Variants in SCN9A observed in about 807,000 individuals in gnomAD.
SCN9A encodes sodium channel protein type 9 subunit alpha.
Under a neutral mutation model 187.0 loss-of-function variants are expected in SCN9A, and 131 were observed. The observed-to-expected ratio is 0.70, with a 90% CI of 0.61 to 0.81. SCN9A has a LOEUF of 0.81. SCN9A is among the 30% of genes least tolerant of loss of function. SCN9A has a pLI of 0.00. For synonymous variants in SCN9A, 809 were observed against 808.6 expected, an observed-to-expected ratio of 1.00 and a Z score of -0.01; for missense variants, 2,252 against 2,396.6, an observed-to-expected ratio of 0.94 and a Z score of 1.26.
chr2:166,311,486 A>G lies in SCN9A; in HGVS notation c.258+13T>C, dbSNP rs1197366937. ...CCAACAGAAACTGACCACTGAAGTC[A>G]AAATAAACTCACCTTTTTGTCTGCA... On this transcript the variant is annotated intron_variant, in intron 2 of 26. Coordinates refer to ENST00000642356, the MANE Select transcript of SCN9A (RefSeq NM_001365536.1). 6.6e-7 allele frequency: 1 copy of G among 1,518,520 alleles called. No individual in the cohort carries two copies. Among genetic ancestry groups the G allele is most frequent in the African/African-American group, 1.4e-5 (1 of 72,110 alleles). 94.1% of individuals were successfully genotyped at this position (1,518,520 alleles called of 1,614,324 possible).
In SCN9A at chr2:166,286,479, T is replaced by G; in HGVS notation, c.1459A>C (p.Lys487Gln). Residue 487 changes from lysine to glutamine, a missense_variant, in exon 11 of 27, where the codon AAG becomes CAG. Transcript: ENST00000642356. ...RNRRKKKNQK[K>Q]LSSGEEKGDA... ...CCCTTTTCCTCTCCACTGGAGAGCT[T>G]CTTTTGATTCTTTTTCTTTCTTCTG... 6.2e-7 allele frequency: 1 copy of G among 1,613,818 alleles called. No homozygotes were observed.
At chr2:166,341,152 A>C (rs977088560) in intron 1 of SCN9A, among the ~76,000 whole-genome samples, 4 of 152,202 alleles carry the variant, frequency 2.6e-5, no homozygotes, top group Non-Finnish European at 5.9e-5. Flanking sequence ...AGATGCTTTT[A>C]ACTATCATGT....
intron 1 of SCN9A, among the ~76,000 whole-genome samples, chr2:166,332,965 T>C (rs566207903): frequency 1.3e-3 from 190 of 151,008 alleles, no homozygotes; most frequent in African/African-American, 4.5e-3. Flanking sequence ...TATTTTATTA[T>C]ATTTCAAAAA....
intron 1 of SCN9A, among the ~76,000 whole-genome samples, chr2:166,364,683 A>G (rs1450725805): frequency 6.6e-6 from 1 of 152,058 alleles, no homozygotes; most frequent in African/African-American, 2.4e-5. Context: ...GGAAGAGAGG[A>G]GTGTGGAGTC....
Position 166,226,628 on chromosome 2 carries a change from A to G in SCN9A, c.4337T>C (p.Phe1446Ser). The G allele has an allele frequency of 6.3e-7, 1 of 1,591,480 alleles. No homozygotes were observed. The highest frequency in any genetic ancestry group is 8.6e-7 in the Non-Finnish European group (1 of 1,168,404). The change falls in exon 24 of 27, where the codon TTC (phenylalanine) becomes TCC (serine). Residue 1446 changes from phenylalanine (F) to serine (S), a missense_variant. Coordinates refer to ENST00000642356, the MANE Select transcript of SCN9A (RefSeq NM_001365536.1). ...YFVVFIIFGS[F>S]FTLNLFIGVI... ...ACCAATGAACAAGTTCAAAGTGAAGAATGACCCAAAGATGATAAAGACGAC... is the reference window on the plus strand; with the variant it reads ...ACCAATGAACAAGTTCAAAGTGAAGGATGACCCAAAGATGATAAAGACGAC...
intron 1 of SCN9A, among the ~76,000 whole-genome samples, chr2:166,344,357 A>T (rs1027250713): frequency 1.3e-5 from 2 of 152,318 alleles, no homozygotes; most frequent in Admixed American, 6.5e-5. Context: ...CTACTAAAAA[A>T]GATACCATTA....
chr2:166,215,779 C>CAAAA lies in SCN9A; in HGVS notation c.4398+10784_4398+10787dup, dbSNP rs33938188. Among the ~76,000 whole-genome samples, 251 of 134,768 alleles carry CAAAA rather than the reference C, an allele frequency of 1.9e-3. 2 individuals carry two copies. Among genetic ancestry groups the CAAAA allele is most frequent in the African/African-American group, 6.5e-3 (237 of 36,566 alleles). The allele number at this position is 134,768 out of a possible 152,430, so 88.4% of individuals were successfully genotyped here. A position where few individuals can be genotyped will look rare whatever the true frequency, so the allele number is the denominator to read the frequency against. On this transcript the variant is annotated intron_variant, in intron 24 of 26. Transcript: ENST00000642356. ...TCAGTAATAAATTAAGTCTCCTAACCAAAAAAAAAAAAAAGGAAAAGGTCA... is the reference window on the plus strand; with the variant it reads ...TCAGTAATAAATTAAGTCTCCTAACCAAAAAAAAAAAAAAAAAAGGAAAAGGTCA...
rs1696025206 is a variant in SCN9A, at chr2:166,251,292, C to G, written c.3472+473G>C. ...CATTAAAGAAATAGAGAGAGGAACT[C>G]AGAACTCTAAGACAAATAAAAGACC... On this transcript the variant is annotated intron_variant, in intron 18 of 26. Coordinates refer to ENST00000642356, the MANE Select transcript of SCN9A (RefSeq NM_001365536.1). Among the ~76,000 whole-genome samples the G allele has an allele frequency of 1.3e-5, 2 of 151,990 alleles. 1 individual carries two copies. The highest frequency in any genetic ancestry group is 1.3e-4 in the Admixed American group (2 of 15,230).
intron 1 of SCN9A, among the ~76,000 whole-genome samples, chr2:166,373,688 G>A (rs896650946): frequency 6.6e-6 from 1 of 152,008 alleles, no homozygotes; most frequent in African/African-American, 2.4e-5. Context: ...AAGATGGGAG[G>A]AAAGAATCTG....
At chr2:166,351,496 C>G (rs1319713811) in intron 1 of SCN9A, among the ~76,000 whole-genome samples, 1 of 152,162 alleles carries the variant, frequency 6.6e-6, no homozygotes, top group Non-Finnish European at 1.5e-5. Context: ...ATCACTTTAT[C>G]TAATGGATGT....
chr2:166,198,898 C>T lies in SCN9A; in HGVS notation c.5741G>A (p.Ser1914Asn), dbSNP rs910321137. ...TCTGTCTCCATCTTTTATGTATATA[C>T]TTGATATATTTTTGACATTTTGCCT... ...RLRQNVKNIS[S>N]IYIKDGDRDD... The change falls in exon 27 of 27, where the codon AGT (serine) becomes AAT (asparagine). Residue 1914 changes from serine to asparagine, a missense_variant. By Grantham distance (46) the Ser-to-Asn change is conservative. Around this residue, in one of 7 missense-constraint regions of SCN9A, gnomAD observed 345 missense variants for 344.6 expected, o/e 1.00. Transcript: ENST00000642356. The T allele has an allele frequency of 3.7e-6, 6 of 1,613,396 alleles. No individual in the cohort carries two copies. The highest frequency in any genetic ancestry group is 3.3e-5 in the Admixed American group (2 of 59,992).
At chr2:166,273,259 C>T (rs1405123363) in intron 16 of SCN9A, among the ~76,000 whole-genome samples, 4 of 152,180 alleles carry the variant, frequency 2.6e-5, no homozygotes, top group Non-Finnish European at 5.9e-5. Flanking sequence ...TCTATCATTA[C>T]TCTTTATTAC....
intron 1 of SCN9A, among the ~76,000 whole-genome samples, chr2:166,327,136 T>C (rs780023870): frequency 3.9e-5 from 6 of 152,200 alleles, no homozygotes; most frequent in Non-Finnish European, 5.9e-5. Flanking sequence ...GCAGAAAGTA[T>C]GAGTTTAAAT....
At chr2:166,302,633 T>A (rs1698604141) in intron 7 of SCN9A, 1 of 150,872 alleles carries the variant, frequency 6.6e-6, no homozygotes, top group African/African-American at 2.4e-5. Flanking sequence ...TATATATGAT[T>A]AATAGAACTT....
chr2:166,272,548 T>C lies in SCN9A; in HGVS notation c.3202A>G (p.Lys1068Glu). 1 of 1,613,524 alleles carries C rather than the reference T, an allele frequency of 6.2e-7. No homozygotes were observed. The highest frequency in any genetic ancestry group is 8.5e-7 in the Non-Finnish European group (1 of 1,179,732). ...CCATCACTGTCTTCCATCAAGTGTT[T>C]GTCCACGCTGCTTCCAAAACCACTG... is the stretch of plus-strand genomic sequence containing the variant. ...KISGFGSSVD[K>E]HLMEDSDGQS... Residue 1068 changes from lysine (K) to glutamate (E), a missense_variant, in exon 17 of 27, where the codon AAA (lysine) becomes GAA (glutamate). Around this residue, in one of 7 missense-constraint regions of SCN9A, gnomAD observed 313 missense variants for 295.3 expected, o/e 1.06. Transcript: ENST00000642356.
chr2:166,203,932 A>C, intron 26 of SCN9A, 23 bp downstream of exon 26: 2 of 1,417,396 alleles, frequency 1.4e-6, no homozygotes, highest in Non-Finnish European at 1.9e-6. Flanking sequence ...AAAAAATAAA[A>C]TCTGAAAAAT....
chr2:166,302,626 A>G (rs1698603251), intron 7 of SCN9A: 3 of 151,082 alleles, frequency 2.0e-5, no homozygotes, highest in Admixed American at 2.0e-4. Flanking sequence ...TTATCATTAT[A>G]TATGATTAAT....
chr2:166,235,525 C>T (rs1221731031), intron 20 of SCN9A, among the ~76,000 whole-genome samples: 1 of 152,080 alleles, frequency 6.6e-6, no homozygotes, highest in African/African-American at 2.4e-5. Context: ...AATGATTTGC[C>T]ACATCCAACC....
In SCN9A at chr2:166,303,255, A is replaced by C. The variant is rs1352385457; in HGVS notation, c.736T>G (p.Ser246Ala). 6.2e-7 allele frequency: 1 copy of C among 1,613,678 alleles called. No homozygotes were observed. The highest frequency in any genetic ancestry group is 1.7e-5 in the Admixed American group (1 of 59,990). Reference sequence around the variant, plus strand: ...AACACAGTCAGGATCATGACATCAGAAAGCTTCTTCACTGACTGGATCAAA... The same window carrying C: ...AACACAGTCAGGATCATGACATCAGCAAGCTTCTTCACTGACTGGATCAAA... ...GALIQSVKKL[S>A]DVMILTVFCL... Residue 246 changes from serine (S) to alanine (A), a missense_variant, in exon 7 of 27, where the codon TCT becomes GCT. Ser to Ala is a moderately conservative substitution (Grantham distance 99, BLOSUM62 1). Transcript: ENST00000642356.
Sources: gnomAD v4.1 joint callset for allele counts (sites outside exome capture counted in the v4.1 genomes callset) on GRCh38, gnomAD v4.1.1 for gene constraint, gnomAD v4.1.1 regional missense constraint, MANE v1.5 for transcripts, NCBI Gene and HGNC (gene_info 2026-07-23, HGNC 2026-07-21) for gene names.